The following EGFLAM variants were observed in gnomAD, a reference collection of about 807,000 sequenced individuals.
EGFLAM encodes the protein EGF like, fibronectin type III and laminin G domains, also known as pikachurin.
Under a neutral mutation model 113.1 loss-of-function variants are expected in EGFLAM, and 79 were observed. The ratio of observed to expected loss-of-function variants is 0.70; its 90% CI spans 0.58 to 0.84. The LOEUF is 0.84. Among genes scored for constraint, EGFLAM ranks in the 40% least tolerant of loss-of-function variants. The pLI, the probability that EGFLAM is intolerant of heterozygous loss-of-function variation, is 0.00. For missense variants in EGFLAM, 1,265 were observed against 1,291.6 expected (o/e 0.98, Z 0.32); for synonymous variants, 504 against 487.6 (o/e 1.03, Z -0.44).
intron 17 of EGFLAM, among the ~76,000 whole-genome samples, chr5:38,440,337 T>A (rs1742492793): frequency 1.3e-5 from 2 of 152,180 alleles, no homozygotes; most frequent in South Asian, 4.1e-4. Flanking sequence ...GGTTCATATA[T>A]CAGAGGTATG....
In EGFLAM at chr5:38,438,297, T is replaced by A. The variant is rs769875439; in HGVS notation, c.2306T>A (p.Ile769Asn). 6.2e-7 allele frequency: 1 copy of A among 1,613,706 alleles called. No individual in the cohort carries two copies. Among genetic ancestry groups the A allele is most frequent in the Non-Finnish European group, 8.5e-7 (1 of 1,179,748 alleles). The change falls in exon 17 of 22, where the codon ATC becomes AAC. Residue 769 changes from isoleucine to asparagine, a missense_variant. Ile to Asn is a moderately radical substitution (Grantham distance 149). Transcript: ENST00000322350. ...AAGATCATCCTGAATGACCGAACCA[T>A]CCATGTGAAGCATGACTTCACCTCC... is the stretch of plus-strand genomic sequence containing the variant. ...IQKIILNDRT[I>N]HVKHDFTSGV...
At chr5:38,440,962 C>T (rs1742514167) in intron 17 of EGFLAM, among the ~76,000 whole-genome samples, 1 of 152,186 alleles carries the variant, frequency 6.6e-6, no homozygotes, top group African/African-American at 2.4e-5. Context: ...CTTGTTCCCA[C>T]CTCTTGGTAA....
rs559914327 is a variant in EGFLAM, at chr5:38,298,761, T to C, written c.98-38759T>C. 2.6e-5 allele frequency among the ~76,000 whole-genome samples: 4 copies of C among 152,140 alleles called. No individual in the cohort carries two copies. In the East Asian group the frequency reaches 7.7e-4, roughly 29 times the overall value. On this transcript the variant is annotated intron_variant, in intron 1 of 21. Transcript: ENST00000322350. ...TATCACCCAGGCTGGAGTGCAGTGG[T>C]GTAATCATGGCTCACTGTAGTGTCA...
chr5:38,277,453 T>C (rs544331592), intron 1 of EGFLAM, among the ~76,000 whole-genome samples: 13 of 149,522 alleles, frequency 8.7e-5, no homozygotes, highest in Admixed American at 7.4e-4. Flanking sequence ...CCACAGCCAA[T>C]ACACTGAACA....
intron 7 of EGFLAM, 53 bp from the exon 8 acceptor site, chr5:38,406,775 C>T: frequency 6.6e-7 from 1 of 1,522,640 alleles, no homozygotes; most frequent in Non-Finnish European, 9.0e-7. Context: ...ATAAAACAGT[C>T]CAATTGCCAT....
chr5:38,380,975 G>A (rs894677360), intron 6 of EGFLAM, among the ~76,000 whole-genome samples: 13 of 152,204 alleles, frequency 8.5e-5, no homozygotes, highest in African/African-American at 2.2e-4. Flanking sequence ...TTCAACTGGA[G>A]CATCTGCTCA....
rs377501538 is a variant in EGFLAM, at chr5:38,350,457, A to T, written c.292-44A>T. The T allele has an allele frequency of 1.0e-5, 16 of 1,586,000 alleles. No individual in the cohort carries two copies. In the African/African-American group the frequency reaches 2.0e-4, roughly 20 times the overall value. ...TGGAAATTGTACAATTTGCCCAAAC[A>T]GATGTACTGATTGTTAGCATCTTTC... On this transcript the variant is annotated intron_variant, in intron 3 of 21. Coordinates refer to ENST00000322350, the MANE Select transcript of EGFLAM (RefSeq NM_152403.4).
intron 1 of EGFLAM, among the ~76,000 whole-genome samples, chr5:38,303,026 G>A (rs940109414): frequency 2.0e-5 from 3 of 152,190 alleles, no homozygotes; most frequent in African/African-American, 7.2e-5. Flanking sequence ...GCAGCTGCTT[G>A]TGAGGAAAGA....
intron 5 of EGFLAM, among the ~76,000 whole-genome samples, chr5:38,352,749 A>T (rs1739664072): frequency 1.3e-5 from 2 of 152,080 alleles, no homozygotes; most frequent in South Asian, 4.1e-4. Context: ...TATATTTAAG[A>T]GCGAACAGAG....
intron 5 of EGFLAM, among the ~76,000 whole-genome samples, chr5:38,354,633 G>A (rs1164311152): frequency 6.6e-6 from 1 of 152,092 alleles, no homozygotes; most frequent in African/African-American, 2.4e-5. Flanking sequence ...AGGAGGCTGA[G>A]GCGTGAGAAT....
At chr5:38,388,726 C>T (rs1342318930) in intron 6 of EGFLAM, among the ~76,000 whole-genome samples, 3 of 150,226 alleles carry the variant, frequency 2.0e-5, no homozygotes, top group Admixed American at 2.0e-4. Context: ...GGCCACTACC[C>T]TCCAGCCTGG....
At chr5:38,420,732 G>A (rs1235518217) in intron 12 of EGFLAM, among the ~76,000 whole-genome samples, 1 of 152,174 alleles carries the variant, frequency 6.6e-6, no homozygotes, top group East Asian at 1.9e-4. Flanking sequence ...GAAATGGCAT[G>A]GCAACCTCTG....
intron 10 of EGFLAM, among the ~76,000 whole-genome samples, chr5:38,411,553 G>A (rs995612377): frequency 6.8e-6 from 1 of 146,740 alleles, no homozygotes; most frequent in Non-Finnish European, 1.5e-5. Context: ...TGCAATCTGG[G>A]CTCACTTCAA....
intron 1 of EGFLAM, among the ~76,000 whole-genome samples, chr5:38,260,300 A>C (rs1052607266): frequency 6.6e-6 from 1 of 152,248 alleles, no homozygotes; most frequent in African/African-American, 2.4e-5. Flanking sequence ...CACAATTTTT[A>C]AACAAAGCAT....
chr5:38,407,880 C>G lies in EGFLAM; in HGVS notation c.1223C>G (p.Ala408Gly). 6.2e-7 allele frequency: 1 copy of G among 1,613,150 alleles called. No homozygotes were observed. The highest frequency in any genetic ancestry group is 8.5e-7 in the Non-Finnish European group (1 of 1,179,182). The change falls in exon 9 of 22, where the codon GCA becomes GGA. Residue 408 changes from alanine (A) to glycine (G), a missense_variant. Physicochemically the swap from Ala to Gly is moderately conservative, Grantham distance 60. Transcript: ENST00000322350. ...TFEPLKNSYQ[A>G]FQITLEFRAE... ...GAACCTCTGAAGAATTCTTATCAGG[C>G]ATTTCAAATTACTCTTGAATTTAGG...
intron 3 of EGFLAM, among the ~76,000 whole-genome samples, chr5:38,343,127 G>A (rs1458528568): frequency 6.6e-6 from 1 of 152,194 alleles, no homozygotes; most frequent in East Asian, 1.9e-4. Flanking sequence ...GATGGGGCCA[G>A]GCACAGTGGC....
chr5:38,299,400 G>A (rs1758520120), intron 1 of EGFLAM, among the ~76,000 whole-genome samples: 1 of 152,218 alleles, frequency 6.6e-6, no homozygotes, highest in Admixed American at 6.5e-5. Context: ...GAGCCAAGGT[G>A]AGGCTTGGCT....
intron 17 of EGFLAM, among the ~76,000 whole-genome samples, chr5:38,441,726 C>G (rs1364269688): frequency 1.3e-5 from 2 of 152,016 alleles, no homozygotes; most frequent in Non-Finnish European, 2.9e-5. Flanking sequence ...TTTCTCAGAG[C>G]CTTTGCTATG....
At chr5:38,390,166 T>C (rs1294798688) in intron 6 of EGFLAM, among the ~76,000 whole-genome samples, 1 of 152,214 alleles carries the variant, frequency 6.6e-6, no homozygotes, top group African/African-American at 2.4e-5. Flanking sequence ...GTATTTATGA[T>C]TCCCCCCATC....
Sources: allele counts gnomAD v4.1 joint callset (sites outside exome capture counted in the v4.1 genomes callset), GRCh38; gene constraint gnomAD v4.1.1; transcripts MANE v1.5; gene names NCBI Gene and HGNC (gene_info 2026-07-23, HGNC 2026-07-21).